Variants in BPIFC observed in about 807,000 individuals in gnomAD.
The protein encoded by BPIFC is BPI fold-containing family C protein.
In BPIFC, 60 loss-of-function variants were observed where a neutral mutation model predicts 57.6. That is an observed-to-expected ratio of 1.04 (90% CI 0.85 to 1.29). BPIFC has a LOEUF of 1.29. Ranked by LOEUF, BPIFC falls within the 50% of genes most tolerant of loss-of-function variation. BPIFC has a pLI of 0.00. For missense variants in BPIFC, 581 were observed against 600.5 expected, an observed-to-expected ratio of 0.97 and a Z score of 0.34; for synonymous variants, 243 against 224.5, an observed-to-expected ratio of 1.08 and a Z score of -0.74.
chr22:32,425,002 G>A (rs1277258953), intron 13 of BPIFC, among the ~76,000 whole-genome samples: 6 of 151,862 alleles, frequency 4.0e-5, no homozygotes, highest in African/African-American at 1.5e-4. Flanking sequence ...GGCTGGTCTC[G>A]AACTCCTGAC....
Position 32,435,810 on chromosome 22 carries a change from C to T in BPIFC, c.818G>A (p.Arg273His), listed in dbSNP as rs377053660. 76 of 1,614,002 alleles carry T rather than the reference C, an allele frequency of 4.7e-5. No homozygotes were observed. The highest frequency in any genetic ancestry group is 4.6e-4 in the South Asian group (42 of 91,074). Reference protein sequence around the residue: ...FSPVPFVLPERSNSMLYIGIA... With the variant: ...FSPVPFVLPEHSNSMLYIGIA... ...TCCAATGTAGAGCATGGAGTTGCTG[C>T]GTTCTGGGAGCACAAAAGGAACTGG... The change falls in exon 10 of 17, where the codon CGC (arginine) becomes CAC (histidine). Residue 273 changes from arginine (R) to histidine (H), a missense_variant. Transcript: ENST00000300399.
chr22:32,435,614 C>T (rs535367606), intron 10 of BPIFC, 90 bp downstream of exon 10: 15 of 1,377,020 alleles, frequency 1.1e-5, no homozygotes, highest in South Asian at 5.7e-5. Flanking sequence ...GTCCCAGAAT[C>T]GAAATTGTGG....
chr22:32,421,538 C>T (rs1933847686), intron 13 of BPIFC, among the ~76,000 whole-genome samples: 1 of 152,192 alleles, frequency 6.6e-6, no homozygotes, highest in Non-Finnish European at 1.5e-5. Flanking sequence ...ATCTTCTACA[C>T]CATCCCCAGG....
Position 32,429,767 on chromosome 22 carries a change from G to A in BPIFC, c.1217+1580C>T, listed in dbSNP as rs545319293. On this transcript the variant is annotated intron_variant, in intron 13 of 16. Transcript: ENST00000300399. Reference sequence around the variant, plus strand: ...CCTGACCTCATCATCTACTTGTCTCGTCCTCCCAAAGTGCTGGGATTACAG... The same window carrying A: ...CCTGACCTCATCATCTACTTGTCTCATCCTCCCAAAGTGCTGGGATTACAG... 5.4e-3 allele frequency among the ~76,000 whole-genome samples: 823 copies of A among 151,206 alleles called. 11 individuals are homozygous for A. Among genetic ancestry groups the A allele is most frequent in the African/African-American group, 0.019 (793 of 41,212 alleles).
chr22:32,417,913 A>C (rs912875783), intron 14 of BPIFC, among the ~76,000 whole-genome samples: 1 of 151,806 alleles, frequency 6.6e-6, no homozygotes, highest in Non-Finnish European at 1.5e-5. Context: ...TCTGTCGCCC[A>C]GGCTGGAGTG....
chr22:32,459,414 A>G (rs1935111416), intron 2 of BPIFC, among the ~76,000 whole-genome samples: 1 of 152,202 alleles, frequency 6.6e-6, no homozygotes, highest in African/African-American at 2.4e-5. Flanking sequence ...CTGTAATCCC[A>G]GCACTTTGGG....
At chr22:32,452,574 C>T (rs535583850) in intron 4 of BPIFC, among the ~76,000 whole-genome samples, 2 of 151,498 alleles carry the variant, frequency 1.3e-5, no homozygotes, top group South Asian at 4.2e-4. Flanking sequence ...GGAGGCAGAG[C>T]TTGCAGTGAG....
intron 3 of BPIFC, among the ~76,000 whole-genome samples, chr22:32,455,670 C>A (rs1451469286): frequency 6.6e-6 from 1 of 152,166 alleles, no homozygotes; most frequent in African/African-American, 2.4e-5. Context: ...TGATAGAGTG[C>A]AGGTTTCAAG....
chr22:32,461,778 G>T, intron 1 of BPIFC, 117 bp from the exon 2 acceptor site: 1 of 309,238 alleles, frequency 3.2e-6, no homozygotes, highest in Non-Finnish European at 4.7e-6. Context: ...AACATATGGC[G>T]AGGCCAAACT....
intron 13 of BPIFC, among the ~76,000 whole-genome samples, chr22:32,422,788 G>A (rs1437692875): frequency 6.6e-6 from 1 of 152,080 alleles, no homozygotes; most frequent in African/African-American, 2.4e-5. Flanking sequence ...GTGTGAGCAT[G>A]CATGTGTATG....
At position 32,433,638 on chromosome 22, in the gene BPIFC, A is replaced by G. The variant is rs957327957; in HGVS notation, c.978+81T>C. 79 of 1,250,138 alleles carry G rather than the reference A, an allele frequency of 6.3e-5. No individual in the cohort carries two copies. In the African/African-American group the frequency reaches 1.0e-3, roughly 16 times the overall value. 77.4% of individuals were successfully genotyped at this position (1,250,138 alleles called of 1,614,324 possible). A position where few individuals can be genotyped will look rare whatever the true frequency, so the allele number is the denominator to read the frequency against. On this transcript the variant is annotated intron_variant, in intron 11 of 16. Transcript: ENST00000300399. ...GACAGAGGGACTTATCCAAAAAGGA[A>G]TACGTAGAACCCACAAGTCTTCCAG... is the stretch of plus-strand genomic sequence containing the variant.
At chr22:32,464,289 G>T in intron 1 of BPIFC, 85 bp downstream of exon 1, 1 of 554,944 alleles carries the variant, frequency 1.8e-6, no homozygotes, top group Non-Finnish European at 2.3e-6. Context: ...ACAGCTGCCT[G>T]TTCAAAGTGT....
At chr22:32,461,399 T>C (rs1935157055) in intron 2 of BPIFC, among the ~76,000 whole-genome samples, 175 bp downstream of exon 2, 1 of 151,226 alleles carries the variant, frequency 6.6e-6, no homozygotes, top group Admixed American at 6.6e-5. Context: ...AATGGGAGGG[T>C]TGAGAGCTGA....
intron 15 of BPIFC, among the ~76,000 whole-genome samples, chr22:32,416,415 C>T (rs759158803): frequency 3.9e-4 from 59 of 152,110 alleles, no homozygotes; most frequent in Admixed American, 3.9e-4. Flanking sequence ...TCTTTTCATT[C>T]TCCCCGGTTC....
At chr22:32,431,436 A>G in intron 12 of BPIFC, 22 bp from the exon 13 acceptor site, 3 of 1,511,250 alleles carry the variant, frequency 2.0e-6, no homozygotes, top group Non-Finnish European at 2.7e-6. Flanking sequence ...AAAAGCATTT[A>G]TTATTAAGAC....
chr22:32,428,563 T>A (rs1228867310), intron 13 of BPIFC, among the ~76,000 whole-genome samples: 1 of 152,162 alleles, frequency 6.6e-6, no homozygotes, highest in Non-Finnish European at 1.5e-5. Context: ...AACCTTTTCT[T>A]TCTGGGAAAC....
chr22:32,436,083 C>T (rs2076052), intron 9 of BPIFC, among the ~76,000 whole-genome samples: 138,760 of 152,142 alleles, frequency 0.91, 63,499 homozygotes, highest in African/African-American at 0.98. Context: ...GATTGAATGA[C>T]TGTTTTTCCA....
At chr22:32,438,500 T>G (rs1446053587) in intron 8 of BPIFC, among the ~76,000 whole-genome samples, 1 of 152,178 alleles carries the variant, frequency 6.6e-6, no homozygotes, top group Non-Finnish European at 1.5e-5. Flanking sequence ...CAAGCAATTT[T>G]CATGCCTCAG....
chr22:32,430,358 TCTTTC>T (rs1311016674), intron 13 of BPIFC, among the ~76,000 whole-genome samples: 5 of 152,116 alleles, frequency 3.3e-5, no homozygotes, highest in African/African-American at 1.2e-4. Context: ...AGCTTTATGC[TCTTTC>T]CTCACTAGCA....
Sources: allele counts gnomAD v4.1 joint callset (sites outside exome capture counted in the v4.1 genomes callset), GRCh38; gene constraint gnomAD v4.1.1; transcripts MANE v1.5; gene names NCBI Gene and HGNC (gene_info 2026-07-23, HGNC 2026-07-21).